DHX30: variants seen among roughly 807,000 people sequenced by gnomAD.
The protein encoded by DHX30 is ATP-dependent RNA helicase DHX30.
DHX30 carries 4 observed loss-of-function variants against 116.9 expected under a neutral mutation model. The observed-to-expected ratio is 0.03, with a 90% CI of 0.02 to 0.08. The LOEUF (loss-of-function observed/expected upper bound fraction) is 0.08, where lower values mean the gene tolerates loss of function less well. Ranked by LOEUF, DHX30 falls within the 10% of genes least tolerant of loss-of-function variation. The pLI, the probability that DHX30 is intolerant of heterozygous loss-of-function variation, is 1.00. For missense variants in DHX30, 871 were observed against 1,595.1 expected (o/e 0.55, Z 7.73); for synonymous variants, 697 against 651.7 (o/e 1.07, Z -1.06).
intron 6 of DHX30, among the ~76,000 whole-genome samples, chr3:47,831,659 T>A (rs1374957785): frequency 6.6e-6 from 1 of 151,750 alleles, no homozygotes; most frequent in Non-Finnish European, 1.5e-5. Context: ...TCTTCGTTCA[T>A]GCCCTCTAGT....
chr3:47,826,028 C>T (rs1190714704), intron 4 of DHX30: 1 of 152,266 alleles, frequency 6.6e-6, no homozygotes, highest in East Asian at 1.9e-4. Context: ...TACATCAGAA[C>T]GCTTGGAAGC....
At chr3:47,846,040 AAATT>A (rs1472386134) in intron 10 of DHX30, 121 bp from the exon 11 acceptor site, 5 of 1,399,334 alleles carry the variant, frequency 3.6e-6, no homozygotes, top group Non-Finnish European at 4.9e-6. Context: ...GTCATGGACT[AAATT>A]AATCCTCTGC....
chr3:47,841,784 C>A, intron 8 of DHX30, 47 bp downstream of exon 8: 1 of 1,613,682 alleles, frequency 6.2e-7, no homozygotes, highest in South Asian at 1.1e-5. Context: ...TTTACTTGGT[C>A]ATGTCTGGTG....
At chr3:47,816,954 G>A (rs1242455617) in intron 3 of DHX30, 1 of 984,170 alleles carries the variant, frequency 1.0e-6, no homozygotes, top group Non-Finnish European at 1.2e-6. Context: ...TTTCTTTCCT[G>A]CTGAAGATTA....
chr3:47,829,177 A>C (rs931159995), intron 6 of DHX30, 43 bp downstream of exon 6: 2 of 1,126,592 alleles, frequency 1.8e-6, no homozygotes, highest in Admixed American at 5.2e-5. Context: ...TTCCTCCTGG[A>C]AACTCCTTGC....
At chr3:47,805,304 G>T in intron 1 of DHX30, 22 bp from the exon 2 acceptor site, 1 of 398,986 alleles carries the variant, frequency 2.5e-6, no homozygotes, top group South Asian at 1.3e-4. Flanking sequence ...CCACTGTATT[G>T]ACTCAGCGTT....
chr3:47,838,647 GC>G (rs2037230301), intron 6 of DHX30, among the ~76,000 whole-genome samples: 1 of 152,306 alleles, frequency 6.6e-6, no homozygotes, highest in South Asian at 2.1e-4. Flanking sequence ...CTGGCCCGTG[GC>G]CCGTGCTGTC....
chr3:47,836,861 G>T (rs9830888), intron 6 of DHX30, among the ~76,000 whole-genome samples: 2,510 of 152,244 alleles, frequency 0.016, 62 homozygotes, highest in African/African-American at 0.048. Context: ...TGTGAGATGA[G>T]ATCTTGTTGT....
At chr3:47,814,880 TA>T in intron 3 of DHX30, among the ~76,000 whole-genome samples, 1 of 151,814 alleles carries the variant, frequency 6.6e-6, no homozygotes, top group Non-Finnish European at 1.5e-5. Context: ...ATAAAATAAT[TA>T]AAAAAATAAT....
intron 6 of DHX30, among the ~76,000 whole-genome samples, 180 bp downstream of exon 6, chr3:47,829,314 A>ATTTTT (rs10683438): frequency 5.0e-4 from 17 of 34,192 alleles, no homozygotes; most frequent in South Asian, 1.7e-3. Context: ...ATATATATAT[A>ATTTTT]TTTTTTTTTT....
rs550857641 is a variant in DHX30 at position 47,846,476 on chromosome 3, C to T, written c.1404C>T (p.Pro468=). ...DTGCGKTTRI[P]QLLLERYVTE... is the part of the protein sequence containing the mutation. ...GCTGTGGGAAGACCACGCGCATCCC[C>T]CAGCTGTTGCTGGAGCGCTATGTGA... is the stretch of plus-strand genomic sequence containing the variant. Residue 468 remains proline, a synonymous_variant, in exon 11 of 22, where the codon CCC becomes CCT. Transcript: ENST00000445061. 2.5e-6 allele frequency: 4 copies of T among 1,614,124 alleles called. No homozygotes were observed. In the East Asian group the frequency reaches 8.9e-5, roughly 36 times the overall value.
chr3:47,817,119 C>T (rs957263499), intron 3 of DHX30: 35 of 310,094 alleles, frequency 1.1e-4, no homozygotes, highest in Non-Finnish European at 1.5e-4. Flanking sequence ...GTTTCTCAAG[C>T]TTCAGGTGTG....
chr3:47,844,920 A>T lies in DHX30; in HGVS notation c.940-780A>T, dbSNP rs149875252. On this transcript the variant is annotated intron_variant, in intron 9 of 21. Coordinates refer to ENST00000445061, the MANE Select transcript of DHX30 (RefSeq NM_138615.3). ...GTCACAGATGGGTCGGGTGCCATGT[A>T]GGGATTGGGAGGCGGGATGGAAGGA... 3.9e-5 allele frequency among the ~76,000 whole-genome samples: 6 copies of T among 152,208 alleles called. 1 individual carries two copies. The highest frequency in any genetic ancestry group is 1.4e-4 in the African/African-American group (6 of 41,524).
At chr3:47,839,677 G>T (rs1027019499) in intron 6 of DHX30, among the ~76,000 whole-genome samples, 5 of 145,848 alleles carry the variant, frequency 3.4e-5, no homozygotes, top group African/African-American at 1.1e-4. Flanking sequence ...AGGTTTTTTT[G>T]TTTGTTTGTT....
Position 47,848,350 on chromosome 3 carries a change from G to A in DHX30, c.2457G>A (p.Leu819=). Reference sequence around the variant, plus strand: ...TCCTGCGCACACCTCTTGAGAACCTGGTGCTGCAAGCGAAAATCCACATGC... The same window carrying A: ...TCCTGCGCACACCTCTTGAGAACCTAGTGCTGCAAGCGAAAATCCACATGC... ...PEILRTPLEN[L]VLQAKIHMPE... Residue 819 remains leucine (L), a synonymous_variant, in exon 15 of 22, where the codon CTG becomes CTA. Coordinates refer to ENST00000445061, the MANE Select transcript of DHX30 (RefSeq NM_138615.3). The surrounding 1 kb of genome is among the most constrained non-coding windows in gnomAD (Gnocchi z 9.4). 4.3e-6 allele frequency: 7 copies of A among 1,614,152 alleles called. No homozygotes were observed. Among genetic ancestry groups the A allele is most frequent in the Non-Finnish European group, 5.9e-6 (7 of 1,180,036 alleles).
At position 47,843,607 on chromosome 3, in the gene DHX30, C is replaced by T. The variant is rs139885062; in HGVS notation, c.939+352C>T. Among the ~76,000 whole-genome samples, 602 of 152,218 alleles carry T rather than the reference C, an allele frequency of 4.0e-3. 5 individuals are homozygous for T. Among genetic ancestry groups the T allele is most frequent in the African/African-American group, 0.014 (566 of 41,528 alleles). Reference sequence around the variant, plus strand: ...GGTGTCCAGTATGATCCTGATAACCCGGGTTTTGTGGGCAGAATGAATAAT... The same window carrying T: ...GGTGTCCAGTATGATCCTGATAACCTGGGTTTTGTGGGCAGAATGAATAAT... On this transcript the variant is annotated intron_variant, in intron 9 of 21. Transcript: ENST00000445061.
rs1461124705 is a variant in DHX30 at position 47,848,169 on chromosome 3, A to G, written c.2287-11A>G. 1.9e-6 allele frequency: 3 copies of G among 1,612,974 alleles called. No homozygotes were observed. The highest frequency in any genetic ancestry group is 1.3e-5 in the African/African-American group (1 of 74,824). On this transcript the variant is annotated splice_polypyrimidine_tract_variant and intron_variant, in intron 14 of 21. Transcript: ENST00000445061. The surrounding 1 kb of genome is among the most constrained non-coding windows in gnomAD (Gnocchi z 9.4). Reference sequence around the variant, plus strand: ...GGCATTTGTGTGCTGCTTACTTGCCACCTCCTCCAGGTGTCCTGCCTGGAG... The same window carrying G: ...GGCATTTGTGTGCTGCTTACTTGCCGCCTCCTCCAGGTGTCCTGCCTGGAG...
intron 3 of DHX30, among the ~76,000 whole-genome samples, chr3:47,811,291 A>G (rs1293582957): frequency 1.3e-5 from 2 of 152,020 alleles, no homozygotes; most frequent in Non-Finnish European, 2.9e-5. Context: ...ATTTTATACC[A>G]TCTCCTTCAT....
At chr3:47,828,387 G>A (rs1482315468) in intron 5 of DHX30, among the ~76,000 whole-genome samples, 2 of 150,686 alleles carry the variant, frequency 1.3e-5, no homozygotes, top group African/African-American at 2.4e-5. Flanking sequence ...TTGAGCCCAG[G>A]AGGTTGAGGC....
Sources: gnomAD v4.1 joint callset for allele counts (sites outside exome capture counted in the v4.1 genomes callset) on GRCh38, gnomAD v4.1.1 for gene constraint, Gnocchi (gnomAD v3.1) non-coding constraint, MANE v1.5 for transcripts, NCBI Gene and HGNC (gene_info 2026-07-23, HGNC 2026-07-21) for gene names.